The following PTPRG variants were observed in gnomAD, a reference collection of about 807,000 sequenced individuals.
The protein encoded by PTPRG is protein tyrosine phosphatase receptor type G, also known as receptor-type tyrosine-protein phosphatase gamma.
A neutral mutation model predicts 165.3 loss-of-function variants in PTPRG; 102 were observed. That is an observed-to-expected ratio of 0.62 (90% confidence interval 0.53 to 0.73). PTPRG has a LOEUF of 0.73. Ranked by LOEUF, PTPRG falls within the 30% of genes least tolerant of loss-of-function variation. The probability of loss-of-function intolerance (pLI) is 0.00; values close to 1 mark genes in which losing one functional copy is unlikely to be tolerated. For synonymous variants in PTPRG, 675 were observed against 669.5 expected (o/e 1.01, Z -0.13); for missense variants, 1,866 against 1,861.4 (o/e 1.00, Z -0.05).
chr3:62,016,959 T>G (rs1194853767), intron 4 of PTPRG, among the ~76,000 whole-genome samples: 1 of 152,238 alleles, frequency 6.6e-6, no homozygotes, highest in East Asian at 1.9e-4. Context: ...ATTTTCTTCA[T>G]AGCATTCATC....
At chr3:62,016,356 C>G (rs143727615) in intron 4 of PTPRG, among the ~76,000 whole-genome samples, 1 of 151,960 alleles carries the variant, frequency 6.6e-6, no homozygotes, top group Non-Finnish European at 1.5e-5. Flanking sequence ...TTAGTAGAGA[C>G]GGAGTTTCAC....
intron 4 of PTPRG, among the ~76,000 whole-genome samples, chr3:62,068,590 C>T (rs1265683559): frequency 2.6e-5 from 4 of 152,140 alleles, no homozygotes; most frequent in Non-Finnish European, 5.9e-5. Flanking sequence ...ATCCTCCTGC[C>T]TCAGCCTCCT....
At chr3:61,872,551 G>C (rs768284024) in intron 2 of PTPRG, among the ~76,000 whole-genome samples, 1 of 152,170 alleles carries the variant, frequency 6.6e-6, no homozygotes, top group African/African-American at 2.4e-5. Flanking sequence ...AATAAGATGA[G>C]ATAGGTAGTG....
intron 5 of PTPRG, among the ~76,000 whole-genome samples, chr3:62,084,175 A>C (rs1290235117): frequency 3.3e-5 from 5 of 152,218 alleles, no homozygotes; most frequent in Non-Finnish European, 7.4e-5. Flanking sequence ...AATGATTGTC[A>C]TGTCTGTATC....
chr3:61,766,331 A>G (rs2034013916), intron 2 of PTPRG, among the ~76,000 whole-genome samples: 2 of 152,274 alleles, frequency 1.3e-5, no homozygotes, highest in African/African-American at 4.8e-5. Context: ...TCTTTTTCCT[A>G]CCCTGGATTC....
In PTPRG at chr3:62,036,858, C is replaced by T. The variant is rs190475713; in HGVS notation, c.519+33361C>T. On this transcript the variant is annotated intron_variant, in intron 4 of 29. Coordinates refer to ENST00000474889, the MANE Select transcript of PTPRG (RefSeq NM_002841.4). Reference sequence around the variant, plus strand: ...GCAAATCATCGGGCCCTCCAGGGCACACTCCATTCCTCTTTGTTGTGGCTG... The same window carrying T: ...GCAAATCATCGGGCCCTCCAGGGCATACTCCATTCCTCTTTGTTGTGGCTG... Among the ~76,000 whole-genome samples the T allele has an allele frequency of 8.3e-4, 127 of 152,294 alleles. 1 individual carries two copies. Among genetic ancestry groups the T allele is most frequent in the Non-Finnish European group, 1.5e-3 (103 of 68,038 alleles).
At chr3:61,873,701 C>T (rs1309759730) in intron 2 of PTPRG, among the ~76,000 whole-genome samples, 1 of 152,044 alleles carries the variant, frequency 6.6e-6, no homozygotes, top group Non-Finnish European at 1.5e-5. Flanking sequence ...CCACTGTATT[C>T]TCTGCTTATT....
intron 5 of PTPRG, among the ~76,000 whole-genome samples, chr3:62,118,015 T>C (rs1278742838): frequency 6.6e-6 from 1 of 152,168 alleles, no homozygotes; most frequent in East Asian, 1.9e-4. Context: ...TCGTGTGAAG[T>C]ATTTTATGTG....
intron 4 of PTPRG, among the ~76,000 whole-genome samples, chr3:62,040,772 C>T (rs1022121872): frequency 1.3e-5 from 2 of 152,150 alleles, no homozygotes; most frequent in Non-Finnish European, 2.9e-5. Flanking sequence ...AAATAGAGCA[C>T]CGGAGTATAG....
At position 61,776,087 on chromosome 3, in the gene PTPRG, A is replaced by AT. The variant is rs1356552705; in HGVS notation, c.190+27107dup. Among the ~76,000 whole-genome samples the AT allele has an allele frequency of 3.3e-4, 15 of 45,870 alleles. No homozygotes were observed. The East Asian group carries it at 6.0e-3, about 18-fold the overall frequency. 30.1% of individuals were successfully genotyped at this position (45,870 alleles called of 152,430 possible). ...AAACTTAAAGTATAATAATAATAAAATTAAAAAAAAAAAGAATTCAAGGTT... is the reference window on the plus strand; with the variant it reads ...AAACTTAAAGTATAATAATAATAAAATTTAAAAAAAAAAAGAATTCAAGGTT... On this transcript the variant is annotated intron_variant, in intron 2 of 29. Coordinates refer to ENST00000474889, the MANE Select transcript of PTPRG (RefSeq NM_002841.4).
chr3:62,158,980 A>AT (rs1449106572), intron 7 of PTPRG, among the ~76,000 whole-genome samples: 1 of 151,488 alleles, frequency 6.6e-6, no homozygotes, highest in Non-Finnish European at 1.5e-5. Flanking sequence ...GGTGGAAGGA[A>AT]TTTTTTTTTC....
At chr3:62,244,330 C>G (rs1326148712) in intron 15 of PTPRG, among the ~76,000 whole-genome samples, 1 of 152,154 alleles carries the variant, frequency 6.6e-6, no homozygotes, top group Non-Finnish European at 1.5e-5. Context: ...TTTCACTTTT[C>G]TTCTAGTAAG....
intron 8 of PTPRG, among the ~76,000 whole-genome samples, chr3:62,168,562 C>G (rs1380363818): frequency 2.0e-5 from 3 of 152,180 alleles, no homozygotes; most frequent in Admixed American, 6.5e-5. Flanking sequence ...GAAGGACATG[C>G]AACAGGAATG....
At chr3:62,272,853 A>C (rs558165872) in intron 21 of PTPRG, 93 bp from the exon 22 acceptor site, 2 of 1,333,692 alleles carry the variant, frequency 1.5e-6, no homozygotes, top group East Asian at 5.4e-5. Flanking sequence ...GAAAAATAAT[A>C]AAATAAATGG....
chr3:62,208,923 G>A lies in PTPRG; in HGVS notation c.2155+4973G>A, dbSNP rs1008348698. On this transcript the variant is annotated intron_variant, in intron 12 of 29. Coordinates refer to ENST00000474889, the MANE Select transcript of PTPRG (RefSeq NM_002841.4). ...TTGCTGTCATGCTGGTGAGGGAAGC[G>A]AGGCTCAGATGAAGGAACGTGCCCA... is the stretch of plus-strand genomic sequence containing the variant. Among the ~76,000 whole-genome samples the A allele has an allele frequency of 2.6e-5, 4 of 152,254 alleles. No homozygotes were observed. In the East Asian group the frequency reaches 7.7e-4, roughly 29 times the overall value.
At chr3:61,766,774 A>G (rs2034030793) in intron 2 of PTPRG, among the ~76,000 whole-genome samples, 1 of 151,714 alleles carries the variant, frequency 6.6e-6, no homozygotes, top group Non-Finnish European at 1.5e-5. Flanking sequence ...TTGCCACCAT[A>G]CCCAGCTAAT....
chr3:61,774,608 G>A (rs746356563), intron 2 of PTPRG, among the ~76,000 whole-genome samples: 1 of 152,120 alleles, frequency 6.6e-6, no homozygotes, highest in Non-Finnish European at 1.5e-5. Flanking sequence ...TTAAAAGGCT[G>A]GATGTGTCTT....
At chr3:62,235,361 T>C (rs1701005440) in intron 14 of PTPRG, among the ~76,000 whole-genome samples, 1 of 152,168 alleles carries the variant, frequency 6.6e-6, no homozygotes, top group Non-Finnish European at 1.5e-5. Flanking sequence ...CAAGCCTTCT[T>C]TTCTAAGTAA....
chr3:62,067,886 A>C (rs575860092), intron 4 of PTPRG, among the ~76,000 whole-genome samples: 21 of 152,272 alleles, frequency 1.4e-4, no homozygotes, highest in African/African-American at 5.1e-4. Context: ...GTCTCTAGAC[A>C]TGGCCATATT....
Sources: gnomAD v4.1 joint callset for allele counts (sites outside exome capture counted in the v4.1 genomes callset) on GRCh38, gnomAD v4.1.1 for gene constraint, MANE v1.5 for transcripts, NCBI Gene and HGNC (gene_info 2026-07-23, HGNC 2026-07-21) for gene names.